SHISAL1: variants seen among roughly 807,000 people sequenced by gnomAD.
SHISAL1 encodes shisa like 1.
SHISAL1 carries 9 observed loss-of-function variants against 22.6 expected under a neutral mutation model. The ratio of observed to expected loss-of-function variants is 0.40; its 90% CI spans 0.24 to 0.70. The LOEUF (loss-of-function observed/expected upper bound fraction) is 0.70. SHISAL1 is among the 30% of genes least tolerant of loss of function. The probability of loss-of-function intolerance (pLI) is 0.39; values close to 1 mark genes in which losing one functional copy is unlikely to be tolerated. For synonymous variants in SHISAL1, 119 were observed against 115.4 expected (o/e 1.03, Z -0.20); for missense variants, 246 against 270.6 (o/e 0.91, Z 0.64).
intron 4 of SHISAL1, among the ~76,000 whole-genome samples, chr22:44,284,421 A>G (rs927527735): frequency 6.6e-6 from 1 of 152,130 alleles, no homozygotes; most frequent in Non-Finnish European, 1.5e-5. Flanking sequence ...GACCCAGGTT[A>G]GGTTACCTGC....
intron 4 of SHISAL1, among the ~76,000 whole-genome samples, chr22:44,273,889 G>C: frequency 6.6e-6 from 1 of 152,184 alleles, no homozygotes; most frequent in East Asian, 1.9e-4. Context: ...ATTAACAAAT[G>C]AAAGGACAGG....
At chr22:44,276,569 T>G in intron 4 of SHISAL1, among the ~76,000 whole-genome samples, 1 of 150,792 alleles carries the variant, frequency 6.6e-6, no homozygotes, top group East Asian at 2.0e-4. Context: ...GGGGTGGGTA[T>G]GGGGTGGATT....
At chr22:44,327,819 G>A in the SHISAL1 span, among the ~76,000 whole-genome samples, 9 of 152,256 alleles carry the variant, frequency 5.9e-5, no homozygotes, top group African/African-American at 1.4e-4. Context: ...GCAGGGCCTC[G>A]GGTCACCCTC....
chr22:44,325,881 G>A, the SHISAL1 span, among the ~76,000 whole-genome samples: 329 of 151,584 alleles, frequency 2.2e-3, 3 homozygotes, highest in African/African-American at 7.7e-3. Flanking sequence ...CTTCTACTTG[G>A]CACGCTCCTA....
At position 44,289,938 on chromosome 22, in the gene SHISAL1, T is replaced by C. The variant is rs565758246; in HGVS notation, c.282-4193A>G. 2.0e-5 allele frequency among the ~76,000 whole-genome samples: 3 copies of C among 152,272 alleles called. No homozygotes were observed. The South Asian group carries it at 6.2e-4, about 32-fold the overall frequency. ...AGGCAGCCAAAGCCGCAGATCGCAA[T>C]TTTTTCAGTGTATTTTGGGATATTT... On this transcript the variant is annotated intron_variant, in intron 3 of 4. Transcript: ENST00000381176.
chr22:44,258,732 C>T (rs2055101354), intron 4 of SHISAL1, among the ~76,000 whole-genome samples: 1 of 152,058 alleles, frequency 6.6e-6, no homozygotes, highest in Admixed American at 6.5e-5. Context: ...TGCAAGAGCC[C>T]CTATGGCAAA....
chr22:44,295,156 G>GAGGCACTGTGTATTAAAA (rs1170995794), intron 3 of SHISAL1, among the ~76,000 whole-genome samples: 1 of 151,926 alleles, frequency 6.6e-6, no homozygotes, highest in Non-Finnish European at 1.5e-5. Flanking sequence ...AAGTCACAGT[G>GAGGCACTGTGTATTAAAA]GTTAACACAG....
Position 44,274,452 on chromosome 22 carries a change from G to C in SHISAL1, c.599+10976C>G, listed in dbSNP as rs79644680. The stretch of plus-strand genomic sequence containing the variant: ...TCTGGAGGAAATCATTCCAGAAAGG[G>C]AAAGGCCACAAATTCACAAAGGTGT... On this transcript the variant is annotated intron_variant, in intron 4 of 4. Coordinates refer to ENST00000381176, the MANE Select transcript of SHISAL1 (RefSeq NM_001099294.2). 9.1e-3 allele frequency among the ~76,000 whole-genome samples: 1,385 copies of C among 152,286 alleles called. 27 individuals are homozygous for C. Among genetic ancestry groups the C allele is most frequent in the African/African-American group, 0.032 (1,347 of 41,552 alleles).
intron 1 of SHISAL1, among the ~76,000 whole-genome samples, chr22:44,303,676 C>T (rs1029645797): frequency 1.3e-5 from 2 of 152,168 alleles, no homozygotes; most frequent in African/African-American, 2.4e-5. Flanking sequence ...CTAGGCAGCC[C>T]GAGCAAACAG....
Position 44,278,094 on chromosome 22 carries a change from G to C in SHISAL1, c.599+7334C>G, listed in dbSNP as rs534413415. ...AATGGGGTTCACATTTGAGTCAGTG[G>C]GCTGGGGAAGGCAAACCCACCTTCA... On this transcript the variant is annotated intron_variant, in intron 4 of 4. Transcript: ENST00000381176. Among the ~76,000 whole-genome samples the C allele has an allele frequency of 7.5e-4, 114 of 152,306 alleles. 1 individual carries two copies. Among genetic ancestry groups the C allele is most frequent in the African/African-American group, 2.5e-3 (105 of 41,572 alleles).
chr22:44,308,532 A>T (rs2055495108), intron 1 of SHISAL1, among the ~76,000 whole-genome samples: 1 of 152,052 alleles, frequency 6.6e-6, no homozygotes, highest in South Asian at 2.1e-4. Context: ...CTGGAGGCTC[A>T]TCCTGGGTGG....
chr22:44,274,879 T>C (rs900123637), intron 4 of SHISAL1, among the ~76,000 whole-genome samples: 19 of 151,912 alleles, frequency 1.3e-4, no homozygotes, highest in Non-Finnish European at 2.4e-4. Flanking sequence ...GCATCTGCCA[T>C]GGGCCGGGCT....
chr22:44,300,840 A>C, intron 2 of SHISAL1, 39 bp downstream of exon 2: 7 of 1,560,638 alleles, frequency 4.5e-6, no homozygotes, highest in Non-Finnish European at 6.2e-6. Flanking sequence ...CCACACCCCC[A>C]CGTGCCGCCC....
chr22:44,260,389 C>A (rs1282445897), intron 4 of SHISAL1, among the ~76,000 whole-genome samples: 2 of 152,218 alleles, frequency 1.3e-5, no homozygotes, highest in South Asian at 4.1e-4. Context: ...GACATGGACT[C>A]ATTCTCAGCC....
At chr22:44,318,615 C>T in the SHISAL1 span, among the ~76,000 whole-genome samples, 5 of 152,186 alleles carry the variant, frequency 3.3e-5, no homozygotes, top group African/African-American at 7.2e-5. Context: ...AGTTTTACTT[C>T]GGTGGTGTGA....
chr22:44,306,995 G>A (rs188172101), intron 1 of SHISAL1, among the ~76,000 whole-genome samples: 105 of 151,622 alleles, frequency 6.9e-4, no homozygotes, highest in African/African-American at 2.3e-3. Context: ...TGACGATGGC[G>A]TGTGTGGAGG....
intron 1 of SHISAL1, among the ~76,000 whole-genome samples, chr22:44,309,408 C>A (rs1400284098): frequency 1.3e-5 from 2 of 152,134 alleles, no homozygotes; most frequent in African/African-American, 4.8e-5. Context: ...AGCGGCCCAG[C>A]AGAAGGGCAG....
the SHISAL1 span, among the ~76,000 whole-genome samples, chr22:44,319,362 G>T: frequency 7.2e-5 from 11 of 152,244 alleles, no homozygotes; most frequent in African/African-American, 2.7e-4. Flanking sequence ...ACCCGAGCTG[G>T]TTGGGTTTCC....
chr22:44,284,897 GCCTT>G (rs56376829), intron 4 of SHISAL1, among the ~76,000 whole-genome samples: 1,628 of 134,580 alleles, frequency 0.012, 15 homozygotes, highest in East Asian at 0.028. Context: ...CTGCCTTCCT[GCCTT>G]CCTTCCTTCC....
Sources: gnomAD v4.1 joint callset for allele counts (sites outside exome capture counted in the v4.1 genomes callset) on GRCh38, gnomAD v4.1.1 for gene constraint, MANE v1.5 for transcripts, NCBI Gene and HGNC (gene_info 2026-07-23, HGNC 2026-07-21) for gene names.